CMBL: variants seen among roughly 807,000 people sequenced by gnomAD.
CMBL encodes the protein carboxymethylenebutenolidase homolog (Pseudomonas).
CMBL carries 17 observed loss-of-function variants against 28.7 expected under a neutral mutation model. The observed-to-expected ratio is 0.59, with a 90% CI of 0.41 to 0.89. The LOEUF is 0.89. CMBL is among the 40% of genes least tolerant of loss of function. The probability of loss-of-function intolerance (pLI) is 0.00; values close to 1 mark genes in which losing one functional copy is unlikely to be tolerated. For missense variants in CMBL, 310 were observed against 298.5 expected (o/e 1.04, Z -0.28); for synonymous variants, 106 against 101.6 (o/e 1.04, Z -0.26).
At chr5:10,290,283 A>G in intron 2 of CMBL, 2 of 465,866 alleles carry the variant, frequency 4.3e-6, no homozygotes, top group Non-Finnish European at 7.8e-6. Flanking sequence ...CCCACACGGG[A>G]AAAGAATTCT....
At chr5:10,286,630 C>T (rs13180748) in intron 3 of CMBL, 134 bp from the exon 4 acceptor site, 501,822 of 714,520 alleles carry the variant, frequency 0.7, 185,709 homozygotes, top group Non-Finnish European at 0.78. Context: ...GGGAGCTCCA[C>T]CCTTACTACC....
In CMBL at chr5:10,289,261, C is replaced by T. The variant is rs1307824174; in HGVS notation, c.216-732G>A. Among the ~76,000 whole-genome samples the T allele has an allele frequency of 6.6e-6, 1 of 152,176 alleles. No individual in the cohort carries two copies. Among genetic ancestry groups the T allele is most frequent in the Non-Finnish European group, 1.5e-5 (1 of 68,032 alleles). On this transcript the variant is annotated intron_variant, in intron 2 of 5. Coordinates refer to ENST00000296658, the MANE Select transcript of CMBL (RefSeq NM_138809.4). This position sits in a 1 kb window ranked among gnomAD's most constrained non-coding sequence, Gnocchi z 4.3. ...CGGTACACCCCATGCTGCTGTGTGGCCTTGGCCTTCACAAGTCATGTCACC... is the reference window on the plus strand; with the variant it reads ...CGGTACACCCCATGCTGCTGTGTGGTCTTGGCCTTCACAAGTCATGTCACC...
intron 1 of CMBL, among the ~76,000 whole-genome samples, chr5:10,299,416 T>C (rs1419895845): frequency 6.6e-6 from 1 of 152,160 alleles, no homozygotes; most frequent in East Asian, 1.9e-4. Flanking sequence ...ACAGAGATGA[T>C]GGTACACTTG....
At chr5:10,286,244 G>T in intron 4 of CMBL, 110 bp downstream of exon 4, 1 of 1,079,454 alleles carries the variant, frequency 9.3e-7, no homozygotes, top group Non-Finnish European at 1.3e-6. Context: ...AAGATGGGCA[G>T]TCTTCACATT....
intron 4 of CMBL, among the ~76,000 whole-genome samples, chr5:10,283,548 C>CG (rs1175485638): frequency 1.3e-5 from 2 of 152,076 alleles, no homozygotes; most frequent in Non-Finnish European, 2.9e-5. Context: ...GAGGCCAAGG[C>CG]GGGGTGGATC....
intron 1 of CMBL, among the ~76,000 whole-genome samples, chr5:10,303,613 C>A (rs1746948138): frequency 6.6e-6 from 1 of 152,150 alleles, no homozygotes; most frequent in African/African-American, 2.4e-5. Flanking sequence ...ACTAAAAACT[C>A]TAAGCCCCCA....
At chr5:10,295,655 G>C (rs1204211383) in intron 1 of CMBL, among the ~76,000 whole-genome samples, 3 of 152,190 alleles carry the variant, frequency 2.0e-5, no homozygotes, top group Non-Finnish European at 4.4e-5. Context: ...CCTTCTTTCT[G>C]CTGGGTGAGA....
chr5:10,293,424 T>C (rs1186642064), intron 1 of CMBL, among the ~76,000 whole-genome samples: 1 of 152,176 alleles, frequency 6.6e-6, no homozygotes, highest in African/African-American at 2.4e-5. Flanking sequence ...ACTAGCTGGC[T>C]CTCTGGGGTC....
In CMBL at chr5:10,282,078, T is replaced by C; in HGVS notation, c.558+119A>G. ...GGGAGGCTGAGGCACAAGAATGGCT[T>C]GAACCTGGGAGGTGGAGGTTGCAGT... On this transcript the variant is annotated intron_variant, in intron 5 of 5. Transcript: ENST00000296658. 1 of 681,076 alleles carries C rather than the reference T, an allele frequency of 1.5e-6. No homozygotes were observed. Among genetic ancestry groups the C allele is most frequent in the South Asian group, 1.7e-5 (1 of 58,486 alleles). The allele number at this position is 681,076 out of a possible 1,614,324, so 42.2% of individuals were successfully genotyped here. A position where few individuals can be genotyped will look rare whatever the true frequency, so the allele number is the denominator to read the frequency against.
At chr5:10,286,101 A>C in intron 4 of CMBL, 1 of 392,892 alleles carries the variant, frequency 2.5e-6, no homozygotes, top group Non-Finnish European at 4.5e-6. Context: ...GAAGAAATGG[A>C]GAATTTAGAT....
At chr5:10,297,156 G>C (rs1579476288) in intron 1 of CMBL, among the ~76,000 whole-genome samples, 1 of 147,498 alleles carries the variant, frequency 6.8e-6, no homozygotes, top group East Asian at 2.0e-4. Context: ...TTGCACTGCA[G>C]CCTAGGCAAT....
Position 10,280,412 on chromosome 5 carries a change from G to A in CMBL, c.*41C>T, listed in dbSNP as rs766250214. The stretch of plus-strand genomic sequence containing the variant: ...ATCTAACTATTTCCAAGCAAATTTT[G>A]GGATGAAAGCTATTCTAGGAAGGCT... On this transcript the variant is annotated 3_prime_UTR_variant, in exon 6 of 6. Coordinates refer to ENST00000296658, the MANE Select transcript of CMBL (RefSeq NM_138809.4). The A allele has an allele frequency of 2.7e-6, 4 of 1,458,556 alleles. No individual in the cohort carries two copies. Among genetic ancestry groups the A allele is most frequent in the Non-Finnish European group, 2.8e-6 (3 of 1,080,912 alleles). 90.4% of individuals were successfully genotyped at this position (1,458,556 alleles called of 1,614,324 possible).
At chr5:10,303,087 T>A (rs1330393151) in intron 1 of CMBL, among the ~76,000 whole-genome samples, 1 of 152,228 alleles carries the variant, frequency 6.6e-6, no homozygotes, top group African/African-American at 2.4e-5. Flanking sequence ...TCCTTTCTAT[T>A]GATTCCAGGT....
At chr5:10,293,240 G>A (rs1746756681) in intron 1 of CMBL, among the ~76,000 whole-genome samples, 1 of 152,238 alleles carries the variant, frequency 6.6e-6, no homozygotes, top group South Asian at 2.1e-4. Flanking sequence ...CATTCAGGCT[G>A]TTATAACAAA....
At chr5:10,301,423 GA>G (rs1746894895) in intron 1 of CMBL, among the ~76,000 whole-genome samples, 3 of 151,686 alleles carry the variant, frequency 2.0e-5, no homozygotes. Flanking sequence ...CACCATTTCA[GA>G]AAAACTCTCA....
At chr5:10,303,264 A>T (rs1358762848) in intron 1 of CMBL, among the ~76,000 whole-genome samples, 1 of 152,082 alleles carries the variant, frequency 6.6e-6, no homozygotes, top group Admixed American at 6.5e-5. Context: ...TCGAGTTCCT[A>T]TGTCTCCCTA....
At chr5:10,283,005 G>T (rs890395254) in intron 4 of CMBL, among the ~76,000 whole-genome samples, 2 of 149,610 alleles carry the variant, frequency 1.3e-5, no homozygotes, top group African/African-American at 4.9e-5. Flanking sequence ...CAGGAGAATG[G>T]CTTGAACCCG....
chr5:10,281,829 T>C (rs1305526083), intron 5 of CMBL, among the ~76,000 whole-genome samples: 3 of 152,152 alleles, frequency 2.0e-5, no homozygotes, highest in East Asian at 3.9e-4. Flanking sequence ...CCTTCAAGAC[T>C]TCCCACTCCC....
At chr5:10,306,275 G>GA (rs1746998949) in intron 1 of CMBL, among the ~76,000 whole-genome samples, 1 of 152,166 alleles carries the variant, frequency 6.6e-6, no homozygotes, top group Admixed American at 6.5e-5. Flanking sequence ...ATTTTGACAA[G>GA]CAAAAGGGAC....
Sources: gnomAD v4.1 joint callset for allele counts (sites outside exome capture counted in the v4.1 genomes callset) on GRCh38, gnomAD v4.1.1 for gene constraint, Gnocchi (gnomAD v3.1) non-coding constraint, MANE v1.5 for transcripts, NCBI Gene and HGNC (gene_info 2026-07-23, HGNC 2026-07-21) for gene names.